Variants in GRIA3 observed in about 807,000 individuals in gnomAD.
GRIA3 encodes the protein glutamate receptor 3.
A neutral mutation model predicts 63.0 loss-of-function variants in GRIA3; 3 were observed. The ratio of observed to expected loss-of-function variants is 0.05; its 90% confidence interval spans 0.02 to 0.12. The LOEUF is 0.12. Among genes scored for constraint, GRIA3 ranks in the 10% least tolerant of loss-of-function variants. The pLI, the probability that GRIA3 is intolerant of heterozygous loss-of-function variation, is 1.00. For missense variants in GRIA3, 347 were observed against 700.9 expected (o/e 0.50, Z 5.70); for synonymous variants, 274 against 257.9 (o/e 1.06, Z -0.60).
chrX:123,389,688 T>TTTG lies in GRIA3; in HGVS notation c.751-5250_751-5248dup, dbSNP rs200693212. Among the ~76,000 whole-genome samples, 937 of 106,880 alleles carry TTTG rather than the reference T, an allele frequency of 8.8e-3. 8 individuals are homozygous for TTTG. Among genetic ancestry groups the TTTG allele is most frequent in the African/African-American group, 0.027 (770 of 29,008 alleles). The allele number at this position is 106,880 out of a possible 115,157, so 92.8% of individuals were successfully genotyped here. A position where few individuals can be genotyped will look rare whatever the true frequency, so the allele number is the denominator to read the frequency against. ...AGCCAGTCTATATTTTTCTTTTGTT[T>TTTG]TTGTTGTTGTTGTTGTTGTTGTTGT... On this transcript the variant is annotated intron_variant, in intron 5 of 15. Coordinates refer to ENST00000620443, the MANE Select transcript of GRIA3 (RefSeq NM_007325.5).
intron 5 of GRIA3, among the ~76,000 whole-genome samples, chrX:123,383,650 T>C (rs755159245): frequency 6.2e-5 from 7 of 112,201 alleles, no homozygotes; most frequent in Non-Finnish European, 1.3e-4. Flanking sequence ...GTCCATTGTG[T>C]GTATATACCA....
intron 11 of GRIA3, among the ~76,000 whole-genome samples, chrX:123,426,465 C>T (rs1484965659): frequency 8.9e-6 from 1 of 111,842 alleles, no homozygotes; most frequent in East Asian, 2.8e-4. Context: ...GTCCCAACCC[C>T]CAGGGTTATG....
chrX:123,463,807 G>A (rs1330901207), intron 12 of GRIA3, among the ~76,000 whole-genome samples: 1 of 108,099 alleles, frequency 9.3e-6, no homozygotes, highest in Non-Finnish European at 1.9e-5. Flanking sequence ...AGAAGAAAGA[G>A]AGAGAAAGAA....
chrX:123,281,938 G>A (rs2044588334), intron 3 of GRIA3, among the ~76,000 whole-genome samples: 1 of 111,507 alleles, frequency 9.0e-6, no homozygotes, highest in Middle Eastern at 4.3e-3. Flanking sequence ...TGTGGCCTTG[G>A]AGAGTTTATA....
chrX:123,222,155 G>A (rs1426476790), intron 2 of GRIA3, among the ~76,000 whole-genome samples: 1 of 111,544 alleles, frequency 9.0e-6, no homozygotes, highest in East Asian at 2.8e-4. Context: ...GCTTTATCTT[G>A]TCTCTCTTCT....
intron 3 of GRIA3, among the ~76,000 whole-genome samples, chrX:123,268,936 A>G (rs2044504398): frequency 8.9e-6 from 1 of 112,494 alleles, no homozygotes; most frequent in African/African-American, 3.2e-5. Flanking sequence ...TGACTGGGCA[A>G]TTGCCTAAAG....
At chrX:123,192,221 C>G (rs757696226) in intron 2 of GRIA3, among the ~76,000 whole-genome samples, 7 of 111,626 alleles carry the variant, frequency 6.3e-5, no homozygotes, top group Non-Finnish European at 1.3e-4. Flanking sequence ...ATTTGAGAAG[C>G]TGCTAAAGTT....
intron 3 of GRIA3, among the ~76,000 whole-genome samples, chrX:123,269,542 C>G (rs2044508215): frequency 2.7e-5 from 3 of 111,772 alleles, no homozygotes; most frequent in Non-Finnish European, 5.6e-5. Context: ...CTATGAGAAT[C>G]AGAACCTGTT....
intron 5 of GRIA3, among the ~76,000 whole-genome samples, chrX:123,367,640 T>C (rs1266884995): frequency 3.6e-5 from 4 of 111,274 alleles, no homozygotes; most frequent in Non-Finnish European, 7.5e-5. Context: ...TTTCACCATG[T>C]TGGCCAGGCT....
At chrX:123,280,067 T>C (rs1205014557) in intron 3 of GRIA3, among the ~76,000 whole-genome samples, 1 of 112,041 alleles carries the variant, frequency 8.9e-6, no homozygotes, top group African/African-American at 3.2e-5. Context: ...TGAAGGATTG[T>C]AGACATTTGT....
intron 10 of GRIA3, among the ~76,000 whole-genome samples, chrX:123,408,471 C>T (rs2045487622): frequency 8.9e-6 from 1 of 112,222 alleles, no homozygotes; most frequent in African/African-American, 3.2e-5. Flanking sequence ...CCAATTTTCT[C>T]ACTGGATTTG....
intron 3 of GRIA3, among the ~76,000 whole-genome samples, chrX:123,315,954 T>G (rs1045353203): frequency 3.7e-5 from 4 of 107,499 alleles, no homozygotes; most frequent in African/African-American, 1.4e-4. Context: ...GGCAGGTGGA[T>G]TGCTTGAGCC....
At chrX:123,190,605 A>C (rs1052965958) in intron 2 of GRIA3, among the ~76,000 whole-genome samples, 2 of 111,345 alleles carry the variant, frequency 1.8e-5, no homozygotes, top group Non-Finnish European at 3.8e-5. Flanking sequence ...GGACAGCAGC[A>C]AGAAGGGTTT....
At chrX:123,407,702 G>GC (rs1569431904) in intron 10 of GRIA3, among the ~76,000 whole-genome samples, 1 of 78,492 alleles carries the variant, frequency 1.3e-5, no homozygotes, top group Non-Finnish European at 2.5e-5. Flanking sequence ...GGGGGGGGGG[G>GC]GGACGTGGGG....
intron 5 of GRIA3, among the ~76,000 whole-genome samples, chrX:123,374,190 C>A (rs1316885516): frequency 3.6e-5 from 4 of 111,384 alleles, no homozygotes; most frequent in Admixed American, 9.6e-5. Context: ...ACTTCTGAGG[C>A]CTCTGTTCTG....
At chrX:123,195,315 C>T (rs1172231303) in intron 2 of GRIA3, among the ~76,000 whole-genome samples, 3 of 112,041 alleles carry the variant, frequency 2.7e-5, no homozygotes, top group South Asian at 7.5e-4. Context: ...TTGCCACAAG[C>T]GAGGAACTCT....
At chrX:123,422,498 T>C (rs1311405831) in intron 11 of GRIA3, among the ~76,000 whole-genome samples, 1 of 111,419 alleles carries the variant, frequency 9.0e-6, no homozygotes, top group East Asian at 2.8e-4. Flanking sequence ...AATTCAACCT[T>C]TTTCCCCCTG....
At chrX:123,434,060 T>C (rs1052411665) in intron 12 of GRIA3, among the ~76,000 whole-genome samples, 3 of 111,991 alleles carry the variant, frequency 2.7e-5, no homozygotes, top group African/African-American at 6.5e-5. Context: ...TCAATATTTA[T>C]TGGCTATCTA....
chrX:123,477,526 C>T (rs1172288487), intron 13 of GRIA3, among the ~76,000 whole-genome samples: 2 of 111,365 alleles, frequency 1.8e-5, no homozygotes, highest in African/African-American at 6.5e-5. Context: ...ATCATATGGC[C>T]TCCAGGAAAC....
Sources: allele counts gnomAD v4.1 joint callset (sites outside exome capture counted in the v4.1 genomes callset), GRCh38; gene constraint gnomAD v4.1.1; transcripts MANE v1.5; gene names NCBI Gene and HGNC (gene_info 2026-07-23, HGNC 2026-07-21).